NPIPB2: variants seen among roughly 807,000 people sequenced by gnomAD.
The protein encoded by NPIPB2 is nuclear pore complex interacting protein family member B2, also known as nuclear pore complex-interacting protein family member B2.
Under a neutral mutation model 30.8 loss-of-function variants are expected in NPIPB2, and 27 were observed. The ratio of observed to expected loss-of-function variants is 0.88; its 90% CI spans 0.65 to 1.21. NPIPB2 has a LOEUF of 1.21. Among genes scored for constraint, NPIPB2 ranks in the 50% most tolerant of loss-of-function variants. The pLI is 0.00. For synonymous variants in NPIPB2, 147 were observed against 162.0 expected, an observed-to-expected ratio of 0.91 and a Z score of 0.70; for missense variants, 440 against 446.2, an observed-to-expected ratio of 0.99 and a Z score of 0.13.
At chr16:11,944,960 C>A (rs1237553078), upstream of NPIPB2, among the ~76,000 whole-genome samples, 3 of 151,416 alleles carry the variant, frequency 2.0e-5, no homozygotes, top group Non-Finnish European at 2.9e-5. Flanking sequence ...GGGTGGATCA[C>A]CTGAGGTCGG....
intron 2 of NPIPB2, 71 bp from the exon 3 acceptor site, chr16:11,933,995 G>C: frequency 1.6e-6 from 2 of 1,244,356 alleles, no homozygotes; most frequent in Non-Finnish European, 2.3e-6. Flanking sequence ...TACTTTGGGA[G>C]GCCGAGGCAG....
At chr16:11,941,772 C>T (rs893444343) in intron 1 of NPIPB2, 16 of 1,062,262 alleles carry the variant, frequency 1.5e-5, no homozygotes, top group Non-Finnish European at 2.2e-5. Context: ...ATTCCAATGA[C>T]CCCTCCCCCA....
chr16:11,951,619 T>TACAC lies in NPIPB2; in HGVS notation c.-583-9509_-583-9506dup, dbSNP rs1237887146. Among the ~76,000 whole-genome samples the TACAC allele has an allele frequency of 3.6e-3, 420 of 115,842 alleles. 3 individuals are homozygous for TACAC. Among genetic ancestry groups the TACAC allele is most frequent in the African/African-American group, 0.011 (329 of 31,044 alleles). The allele number at this position is 115,842 out of a possible 152,430, so 76.0% of individuals were successfully genotyped here. A position where few individuals can be genotyped will look rare whatever the true frequency, so the allele number is the denominator to read the frequency against. Reference sequence around the variant, plus strand: ...CACTGATACAGATGGACACTGCACATACACATACACACACACACACACACA... The same window carrying TACAC: ...CACTGATACAGATGGACACTGCACATACACACACATACACACACACACACACACA... On this transcript the variant is annotated intron_variant, in intron 1 of 5. Transcript: ENST00000538896.
intron 1 of NPIPB2, among the ~76,000 whole-genome samples, chr16:11,961,050 A>G (rs2055149394): frequency 6.6e-6 from 1 of 151,872 alleles, no homozygotes; most frequent in Non-Finnish European, 1.5e-5. Context: ...TTTAGTAGAG[A>G]CTGGGTTTCA....
At chr16:11,942,706 C>A (rs981068264), upstream of NPIPB2, among the ~76,000 whole-genome samples, 1 of 151,292 alleles carries the variant, frequency 6.6e-6, no homozygotes, top group Non-Finnish European at 1.5e-5. Context: ...GAGGGCTTGG[C>A]AGCATCATGT....
chr16:11,934,114 C>T (rs577747683), intron 2 of NPIPB2, among the ~76,000 whole-genome samples, 190 bp from the exon 3 acceptor site: 119 of 151,820 alleles, frequency 7.8e-4, no homozygotes, highest in Admixed American at 1.6e-3. Context: ...GCCTGTAATC[C>T]GAGCTACTCG....
intron 1 of NPIPB2, among the ~76,000 whole-genome samples, chr16:11,972,987 C>T (rs2055245039): frequency 6.6e-6 from 1 of 151,554 alleles, no homozygotes; most frequent in Non-Finnish European, 1.5e-5. Context: ...ACGGAGAAAT[C>T]CTAACTCTAC....
intron 1 of NPIPB2, among the ~76,000 whole-genome samples, chr16:11,953,821 G>C (rs763660777): frequency 2.7e-5 from 4 of 149,132 alleles, no homozygotes; most frequent in Non-Finnish European, 5.9e-5. Context: ...GATTACAGGC[G>C]CACACTAACA....
intron 1 of NPIPB2, among the ~76,000 whole-genome samples, chr16:11,948,597 TCTA>T (rs1283185454): frequency 1.3e-5 from 2 of 151,052 alleles, no homozygotes; most frequent in African/African-American, 4.9e-5. Flanking sequence ...AAACCCCGTC[TCTA>T]CTAAAAATAC....
chr16:11,960,905 A>G (rs2055148534), intron 1 of NPIPB2, among the ~76,000 whole-genome samples: 1 of 146,242 alleles, frequency 6.8e-6, no homozygotes. Context: ...CTCACTCCGT[A>G]GCCCAGACTG....
intron 1 of NPIPB2, among the ~76,000 whole-genome samples, chr16:11,951,090 G>A (rs17810367): frequency 6.6e-6 from 1 of 151,776 alleles, no homozygotes; most frequent in Non-Finnish European, 1.5e-5. Context: ...TGTCAAACTG[G>A]CTTCAGTTAG....
chr16:11,934,217 G>A (rs542809747), intron 2 of NPIPB2, among the ~76,000 whole-genome samples: 38 of 114,996 alleles, frequency 3.3e-4, no homozygotes, highest in African/African-American at 1.2e-3. Context: ...GAGACAGAAT[G>A]AGACTCTGTC....
At chr16:11,967,918 T>C in intron 1 of NPIPB2, 2 of 1,521,494 alleles carry the variant, frequency 1.3e-6, no homozygotes, top group Non-Finnish European at 1.8e-6. Flanking sequence ...TCAGATCTCT[T>C]TAGGATGACT....
At chr16:11,961,202 T>C (rs761122052) in intron 1 of NPIPB2, among the ~76,000 whole-genome samples, 5 of 152,066 alleles carry the variant, frequency 3.3e-5, no homozygotes, top group South Asian at 4.1e-4. Flanking sequence ...TCTCTAATCA[T>C]GTTTGTCCTG....
At chr16:11,941,599 AGAG>A (rs1431355016) in intron 1 of NPIPB2, among the ~76,000 whole-genome samples, 2 of 113,004 alleles carry the variant, frequency 1.8e-5, no homozygotes, top group African/African-American at 8.1e-5. Context: ...AGGGGCAATT[AGAG>A]GGAGACAAAG....
intron 1 of NPIPB2, among the ~76,000 whole-genome samples, chr16:11,950,775 G>C (rs1415364270): frequency 6.6e-6 from 1 of 152,044 alleles, no homozygotes; most frequent in Non-Finnish European, 1.5e-5. Flanking sequence ...TCATGTGTCA[G>C]ACACTGGGAA....
At chr16:11,959,339 T>C (rs2055137454) in intron 1 of NPIPB2, among the ~76,000 whole-genome samples, 1 of 152,118 alleles carries the variant, frequency 6.6e-6, no homozygotes, top group African/African-American at 2.4e-5. Flanking sequence ...CCCAGCACTT[T>C]GGGAGGCTGA....
intron 1 of NPIPB2, chr16:11,967,453 C>G: frequency 8.9e-7 from 1 of 1,122,358 alleles, no homozygotes; most frequent in Non-Finnish European, 1.3e-6. Context: ...GACCCCACCT[C>G]TAAAAAATGA....
At chr16:11,942,016 C>T in exon 1 of NPIPB2, 1 of 1,334,374 alleles carries the variant, frequency 7.5e-7, no homozygotes, top group Non-Finnish European at 1.0e-6. Context: ...AGCCTCCGCT[C>T]AGCCATTCAT....
Sources: allele counts gnomAD v4.1 joint callset (sites outside exome capture counted in the v4.1 genomes callset), GRCh38; gene constraint gnomAD v4.1.1; transcripts MANE v1.5; gene names NCBI Gene and HGNC (gene_info 2026-07-23, HGNC 2026-07-21).